ERAP2: variants seen among roughly 807,000 people sequenced by gnomAD.
The protein encoded by ERAP2 is leukocyte-derived arginine aminopeptidase.
A neutral mutation model predicts 111.1 loss-of-function variants in ERAP2; 118 were observed. The ratio of observed to expected loss-of-function variants is 1.06; its 90% CI spans 0.92 to 1.24. The LOEUF (loss-of-function observed/expected upper bound fraction) is 1.24, where lower values mean the gene tolerates loss of function less well. Ranked by LOEUF, ERAP2 falls within the 50% of genes most tolerant of loss-of-function variation. ERAP2 has a pLI of 0.00. For missense variants in ERAP2, 1,131 were observed against 1,125.8 expected, an observed-to-expected ratio of 1.00 and a Z score of -0.07; for synonymous variants, 410 against 401.2, an observed-to-expected ratio of 1.02 and a Z score of -0.26.
In ERAP2 at chr5:96,917,767, ATGG is replaced by A; in HGVS notation, c.*166_*168del. 2.3e-6 allele frequency: 1 copy of A among 440,774 alleles called. No individual in the cohort carries two copies. Among genetic ancestry groups the A allele is most frequent in the Non-Finnish European group, 3.9e-6 (1 of 253,740 alleles). 27.3% of individuals were successfully genotyped at this position (440,774 alleles called of 1,614,324 possible). On this transcript the variant is annotated 3_prime_UTR_variant, in exon 19 of 19. Transcript: ENST00000437043. Reference sequence around the variant, plus strand: ...TAAAAATACAAAAAATTAGCCGGGCATGGTGGCAGGTGCCTGTAGTCCCAGCTA... The same window carrying A: ...TAAAAATACAAAAAATTAGCCGGGCATGGCAGGTGCCTGTAGTCCCAGCTA...
At chr5:96,911,881 A>AAAAAAAAAAT (rs1786790226) in intron 15 of ERAP2, among the ~76,000 whole-genome samples, 3 of 125,486 alleles carry the variant, frequency 2.4e-5, no homozygotes, top group African/African-American at 8.9e-5. Flanking sequence ...AAAAAAAAAA[A>AAAAAAAAAAT]GAAAGAAAGA....
chr5:96,905,220 T>G (rs1439802244), intron 13 of ERAP2, among the ~76,000 whole-genome samples: 1 of 152,162 alleles, frequency 6.6e-6, no homozygotes, highest in Non-Finnish European at 1.5e-5. Flanking sequence ...CTTCAAATAA[T>G]GTGAAGTTGA....
intron 5 of ERAP2, chr5:96,889,583 C>G: frequency 1.5e-6 from 1 of 673,682 alleles, no homozygotes; most frequent in Non-Finnish European, 2.7e-6. Context: ...AGGGCACACA[C>G]TGGAGGCTGG....
At chr5:96,887,034 C>G (rs1227068402) in intron 4 of ERAP2, among the ~76,000 whole-genome samples, 1 of 146,982 alleles carries the variant, frequency 6.8e-6, no homozygotes, top group East Asian at 2.0e-4. Context: ...TACATAGTAA[C>G]AGTATTTACT....
chr5:96,909,701 C>T lies in ERAP2; in HGVS notation c.2291C>T (p.Ala764Val). ...LLKLACDLNH[A>V]PCIQKAAELF... ...AAGCTGGCCTGTGACCTGAACCATG[C>T]TCCTTGCATCCAGAAAGCTGCTGAA... The change falls in exon 15 of 19, where the codon GCT becomes GTT. Residue 764 changes from alanine (A) to valine (V), a missense_variant. Coordinates refer to ENST00000437043, the MANE Select transcript of ERAP2 (RefSeq NM_022350.5). 1.9e-6 allele frequency: 3 copies of T among 1,614,178 alleles called. No homozygotes were observed. The highest frequency in any genetic ancestry group is 3.3e-4 in the Middle Eastern group (2 of 6,062).
chr5:96,908,268 C>T (rs1227615362), intron 13 of ERAP2, among the ~76,000 whole-genome samples: 1 of 152,166 alleles, frequency 6.6e-6, no homozygotes, highest in African/African-American at 2.4e-5. Context: ...AGAAACACAC[C>T]TGAGGAGCAC....
rs183521374 is a variant in ERAP2, at chr5:96,913,681, C to A, written c.2657+224C>A. ...GGGAAACAGCCTTCTCTCATTCAGT[C>A]CAGGCAAGAAACCACTGGCATCAAG... On this transcript the variant is annotated intron_variant, in intron 17 of 18. Transcript: ENST00000437043. 1.6e-4 allele frequency among the ~76,000 whole-genome samples: 24 copies of A among 152,304 alleles called. 1 individual carries two copies. In the East Asian group the frequency reaches 4.4e-3, roughly 28 times the overall value.
chr5:96,890,108 A>G (rs537237582), intron 5 of ERAP2, among the ~76,000 whole-genome samples: 1 of 152,308 alleles, frequency 6.6e-6, no homozygotes, highest in South Asian at 2.1e-4. Context: ...GATGATACTC[A>G]TAGTCTATCT....
intron 2 of ERAP2, among the ~76,000 whole-genome samples, 178 bp downstream of exon 2, chr5:96,880,438 A>G (rs1274419395): frequency 1.3e-5 from 2 of 152,242 alleles, no homozygotes; most frequent in South Asian, 2.1e-4. Context: ...ATGTAAAGAC[A>G]GGACTCAGAG....
chr5:96,912,545 G>A (rs1361463682), intron 15 of ERAP2, 92 bp from the exon 16 acceptor site: 3 of 837,110 alleles, frequency 3.6e-6, no homozygotes, highest in Non-Finnish European at 5.5e-6. Flanking sequence ...AAGCAGTTCA[G>A]AGATTATTGT....
At chr5:96,886,191 G>GGATTAAAAGATAATGTGCT (rs1447697567) in intron 3 of ERAP2, among the ~76,000 whole-genome samples, 1 of 152,038 alleles carries the variant, frequency 6.6e-6, no homozygotes, top group Non-Finnish European at 1.5e-5. Flanking sequence ...CCACATAACA[G>GGATTAAAAGATAATGTGCT]GATTAAAAGA....
intron 17 of ERAP2, among the ~76,000 whole-genome samples, chr5:96,914,148 T>TCTCTCACACACACA (rs34158080): frequency 1.4e-5 from 2 of 147,982 alleles, no homozygotes; most frequent in African/African-American, 5.0e-5. Context: ...TCTCTCTCTC[T>TCTCTCACACACACA]CACACACACA....
At chr5:96,877,960 A>C (rs984673147) in intron 1 of ERAP2, among the ~76,000 whole-genome samples, 2 of 152,242 alleles carry the variant, frequency 1.3e-5, no homozygotes, top group African/African-American at 4.8e-5. Context: ...AATGCTGCAG[A>C]ACTTGTTAAG....
chr5:96,876,362 T>G (rs1277523179), upstream of ERAP2: 1 of 152,372 alleles, frequency 6.6e-6, no homozygotes, highest in East Asian at 1.9e-4. Context: ...TTTCTTGTCC[T>G]TTTTGAAATA....
chr5:96,880,129 T>C lies in ERAP2; in HGVS notation c.444T>C (p.Ile148=). 1 of 1,614,122 alleles carries C rather than the reference T, an allele frequency of 6.2e-7. No individual in the cohort carries two copies. Among genetic ancestry groups the C allele is most frequent in the Admixed American group, 1.7e-5 (1 of 60,004 alleles). The change falls in exon 2 of 19, where the codon ATT becomes ATC. Residue 148 remains isoleucine (I), a synonymous_variant. Transcript: ENST00000437043. ...KVLSYPAHEQ[I]ALLVPEKLTP... ...TGAGTTACCCTGCTCATGAACAAAT[T>C]GCACTGCTGGTTCCAGAGAAACTTA...
Position 96,909,085 on chromosome 5 carries a change from A to G in ERAP2, c.2137A>G (p.Arg713Gly). 6.2e-7 allele frequency: 1 copy of G among 1,614,140 alleles called. No individual in the cohort carries two copies. The highest frequency in any genetic ancestry group is 8.5e-7 in the Non-Finnish European group (1 of 1,179,974). Residue 713 changes from arginine to glycine, a missense_variant, in exon 14 of 19, where the codon AGG becomes GGG. Arg to Gly is a moderately radical substitution (Grantham distance 125). Around this residue, in one of 3 missense-constraint regions of ERAP2, gnomAD observed 847 missense variants for 856.5 expected, o/e 0.99. Coordinates refer to ENST00000437043, the MANE Select transcript of ERAP2 (RefSeq NM_022350.5). ...ATCGTTTTACCACATGATGGACAGA[A>G]GGAATATTTCAGATATCTCTGAAAA... ...LESFYHMMDRRNISDISENLK... is the reference protein window; with the variant it reads ...LESFYHMMDRGNISDISENLK...
At chr5:96,900,664 T>C (rs1371606468) in intron 10 of ERAP2, among the ~76,000 whole-genome samples, 1 of 152,096 alleles carries the variant, frequency 6.6e-6, no homozygotes, top group African/African-American at 2.4e-5. Flanking sequence ...CCCCTGAATA[T>C]ATATATACAT....
At chr5:96,885,892 A>T (rs150727470) in intron 3 of ERAP2, among the ~76,000 whole-genome samples, 173 of 152,366 alleles carry the variant, frequency 1.1e-3, no homozygotes, top group African/African-American at 3.9e-3. Context: ...AGCTGACGAG[A>T]CTGCAGGCTG....
At chr5:96,899,892 T>A (rs1785268249) in intron 9 of ERAP2, among the ~76,000 whole-genome samples, 2 of 152,238 alleles carry the variant, frequency 1.3e-5, no homozygotes, top group South Asian at 4.1e-4. Context: ...TTGAACTTTT[T>A]AAGGAAACTT....
Sources: allele counts gnomAD v4.1 joint callset (sites outside exome capture counted in the v4.1 genomes callset), GRCh38; gene constraint gnomAD v4.1.1; regional missense constraint gnomAD v4.1.1; transcripts MANE v1.5; gene names NCBI Gene and HGNC (gene_info 2026-07-23, HGNC 2026-07-21).